Variants in PCNT observed in about 807,000 individuals in gnomAD.
PCNT encodes pericentrin.
PCNT carries 319 observed loss-of-function variants against 380.4 expected under a neutral mutation model. The ratio of observed to expected loss-of-function variants is 0.84; its 90% CI spans 0.77 to 0.92. PCNT has a LOEUF of 0.92. Among genes scored for constraint, PCNT ranks in the 40% least tolerant of loss-of-function variants. The probability of loss-of-function intolerance (pLI) is 0.00; values close to 1 mark genes in which losing one functional copy is unlikely to be tolerated. For synonymous variants in PCNT, 1,845 were observed against 1,735.2 expected, an observed-to-expected ratio of 1.06 and a Z score of -1.57; for missense variants, 4,400 against 4,255.3, an observed-to-expected ratio of 1.03 and a Z score of -0.95.
chr21:46,350,037 G>C (rs1183783285), intron 8 of PCNT, among the ~76,000 whole-genome samples: 1 of 152,138 alleles, frequency 6.6e-6, no homozygotes, highest in Non-Finnish European at 1.5e-5. Flanking sequence ...AAATTAGCCA[G>C]GCATGGTGGT....
At position 46,377,403 on chromosome 21, in the gene PCNT, A is replaced by T. The variant is rs537639656; in HGVS notation, c.3166-4291A>T. ...CTTACTTTATCAGTTACCTTTTCAC[A>T]TGCCAAGTCAAAACACAAAATAATT... On this transcript the variant is annotated intron_variant, in intron 15 of 46. Coordinates refer to ENST00000359568, the MANE Select transcript of PCNT (RefSeq NM_006031.6). Among the ~76,000 whole-genome samples the T allele has an allele frequency of 2.0e-5, 3 of 152,342 alleles. No homozygotes were observed. The South Asian group carries it at 6.2e-4, about 32-fold the overall frequency.
Position 46,382,178 on chromosome 21 carries a change from G to A in PCNT, c.3312+338G>A, listed in dbSNP as rs111766350. 2.8e-5 allele frequency among the ~76,000 whole-genome samples: 4 copies of A among 141,232 alleles called. No homozygotes were observed. In the South Asian group the frequency reaches 7.7e-4, roughly 27 times the overall value. The allele number at this position is 141,232 out of a possible 152,430, so 92.7% of individuals were successfully genotyped here. A position where few individuals can be genotyped will look rare whatever the true frequency, so the allele number is the denominator to read the frequency against. On this transcript the variant is annotated intron_variant, in intron 16 of 46. Transcript: ENST00000359568. The stretch of plus-strand genomic sequence containing the variant: ...GCATTCATAGTGTAGATTCAGTGGC[G>A]GAAGCGCATTCATAGTGTAGATTCA...
chr21:46,325,134 C>T (rs2083331500), intron 1 of PCNT: 5 of 985,618 alleles, frequency 5.1e-6, no homozygotes, highest in Non-Finnish European at 6.0e-6. Context: ...GCGCGCAGAG[C>T]CCATGACTCG....
At chr21:46,358,154 G>A (rs1006696155) in intron 13 of PCNT, among the ~76,000 whole-genome samples, 1 of 152,244 alleles carries the variant, frequency 6.6e-6, no homozygotes, top group Non-Finnish European at 1.5e-5. Flanking sequence ...CCATGCGGGA[G>A]CAGTGGAGTT....
At chr21:46,346,288 T>TGGGGGGGGG in intron 4 of PCNT, 80 bp downstream of exon 4, 1 of 540,918 alleles carries the variant, frequency 1.8e-6, no homozygotes, top group Non-Finnish European at 3.6e-6. Context: ...CGGGTGGGGG[T>TGGGGGGGGG]GGGGTGGGCG....
At chr21:46,412,470 T>C (rs983891752) in intron 28 of PCNT, among the ~76,000 whole-genome samples, 2 of 152,148 alleles carry the variant, frequency 1.3e-5, no homozygotes, top group Admixed American at 6.5e-5. Context: ...GCTCTTCTTT[T>C]GGAGCTGGAG....
In PCNT at chr21:46,359,483, TTTTTTTTG is replaced by T. The variant is rs1282821713; in HGVS notation, c.2154+2300_2154+2307del. Among the ~76,000 whole-genome samples the T allele has an allele frequency of 5.5e-4, 44 of 80,318 alleles. 3 individuals are homozygous for T. In the South Asian group the frequency reaches 8.8e-3, roughly 16 times the overall value. The allele number at this position is 80,318 out of a possible 152,430, so 52.7% of individuals were successfully genotyped here. A position where few individuals can be genotyped will look rare whatever the true frequency, so the allele number is the denominator to read the frequency against. On this transcript the variant is annotated intron_variant, in intron 13 of 46. Coordinates refer to ENST00000359568, the MANE Select transcript of PCNT (RefSeq NM_006031.6). ...TATTCTGTCCAAAAATACACCTGTT[TTTTTTTTG>T]TTTTTTTTTTTTTTTTGAGACAGTG...
chr21:46,411,122 G>A, intron 27 of PCNT, 67 bp from the exon 28 acceptor site: 1 of 1,453,052 alleles, frequency 6.9e-7, no homozygotes, highest in Non-Finnish European at 9.7e-7. Context: ...GATGTAACGT[G>A]CCCTGAAGTA....
intron 15 of PCNT, among the ~76,000 whole-genome samples, chr21:46,374,955 G>T (rs1331126488): frequency 6.6e-6 from 1 of 151,996 alleles, no homozygotes; most frequent in South Asian, 2.1e-4. Context: ...TCTTCCCCGC[G>T]GCGATGCTTT....
At chr21:46,412,292 G>A (rs1487340566) in intron 28 of PCNT, among the ~76,000 whole-genome samples, 1 of 152,204 alleles carries the variant, frequency 6.6e-6, no homozygotes, top group Non-Finnish European at 1.5e-5. Context: ...ACCATTTTAA[G>A]CTTATCGTTT....
At chr21:46,353,765 A>G (rs1486969230) in intron 10 of PCNT, among the ~76,000 whole-genome samples, 1 of 137,546 alleles carries the variant, frequency 7.3e-6, no homozygotes, top group Non-Finnish European at 1.7e-5. Flanking sequence ...AGAGACAGAG[A>G]GAGAGTCAGT....
Position 46,436,025 on chromosome 21 carries a change from G to A in PCNT, c.8873G>A (p.Arg2958His), listed in dbSNP as rs574728262. The change falls in exon 39 of 47, where the codon CGC becomes CAC. Residue 2958 changes from arginine (R) to histidine (H), a missense_variant. Transcript: ENST00000359568. ...PGSRLHLGSA[R>H]RAAGSDADHL... is the part of the protein sequence containing the mutation. ...AGCCGCCTCCACCTAGGTTCTGCCC[G>A]CAGGGCTGCCGGCTCGGATGCGGAC... 53 of 1,614,048 alleles carry A rather than the reference G, an allele frequency of 3.3e-5. 1 individual carries two copies. The Middle Eastern group carries it at 8.2e-4, about 25-fold the overall frequency.
rs745606268 is a variant in PCNT, at chr21:46,363,485, A to G, written c.2160A>G (p.Lys720=). The change falls in exon 14 of 47, where the codon AAA becomes AAG. Residue 720 remains lysine, a synonymous_variant. Transcript: ENST00000359568. The stretch of plus-strand genomic sequence containing the variant: ...TGAAATTATGTTGTCTGTAGGTAAA[A>G]CACAATCTAATTGAAGACCACCAGA... ...TRLKDDLEKV[K]HNLIEDHQKE... The G allele has an allele frequency of 2.5e-6, 4 of 1,611,576 alleles. No individual in the cohort carries two copies. Among genetic ancestry groups the G allele is most frequent in the Non-Finnish European group, 3.4e-6 (4 of 1,177,914 alleles).
intron 21 of PCNT, among the ~76,000 whole-genome samples, chr21:46,395,730 ATTCGGCAGCAGACACTCCAT>A: frequency 6.6e-6 from 1 of 151,884 alleles, no homozygotes. Flanking sequence ...AGACTTCAGG[ATTCGGCAGCAGACACTCCAT>A]CTCAGAAATA....
In PCNT at chr21:46,437,066, GCC is replaced by G; in HGVS notation, c.9086_9087del (p.Pro3029HisfsTer46). On this transcript the variant is annotated frameshift_variant, in exon 40 of 47. Transcript: ENST00000359568. LOFTEE classifies it high-confidence loss of function. Reference protein sequence around the residue: ...LEELKSDLSRPTSSQKKMAAE... With the variant: ...LEELKSDLSRXTSSQKKMAAE... ...AGGAGCTGAAGTCTGACTTGAGCAG[GCC>G]CACCTCCTCCCAGGTAAGGGGTGAG... is the stretch of plus-strand genomic sequence containing the variant. 6.2e-7 allele frequency: 1 copy of G among 1,613,442 alleles called. No homozygotes were observed. Among genetic ancestry groups the G allele is most frequent in the Non-Finnish European group, 8.5e-7 (1 of 1,179,486 alleles).
chr21:46,409,978 G>T (rs552682252), intron 27 of PCNT, among the ~76,000 whole-genome samples: 1 of 152,306 alleles, frequency 6.6e-6, no homozygotes, highest in South Asian at 2.1e-4. Flanking sequence ...TGATATATGC[G>T]TTGTGATTAT....
Position 46,444,720 on chromosome 21 carries a change from TAGAA to T in PCNT, c.9870_9873del (p.Glu3290AspfsTer3), listed in dbSNP as rs766205107. ...GCCACTCCATCCCCAAATTCAAGAT[TAGAA>T]AGATCCCTGACTGCTTCTCAAGATC... On this transcript the variant is annotated frameshift_variant, in exon 46 of 47. Transcript: ENST00000359568. LOFTEE classifies it high-confidence loss of function. 8 of 1,613,218 alleles carry T rather than the reference TAGAA, an allele frequency of 5.0e-6. No individual in the cohort carries two copies. Among genetic ancestry groups the T allele is most frequent in the Admixed American group, 1.7e-5 (1 of 59,954 alleles).
rs2085547917 is a variant in PCNT, at chr21:46,381,693, G to C, written c.3166-1G>C. On this transcript the variant is annotated splice_acceptor_variant, in intron 15 of 46. Transcript: ENST00000359568. LOFTEE classifies it high-confidence loss of function. ...TTTTTTATTGTTATTGATGTGTACA[G>C]GGTGAATTTGGAAGTGAAAAGAAAA... is the stretch of plus-strand genomic sequence containing the variant. 1 of 1,613,142 alleles carries C rather than the reference G, an allele frequency of 6.2e-7. No individual in the cohort carries two copies. The highest frequency in any genetic ancestry group is 8.5e-7 in the Non-Finnish European group (1 of 1,179,110).
chr21:46,441,781 C>T (rs1167168687), intron 43 of PCNT, among the ~76,000 whole-genome samples: 1 of 152,064 alleles, frequency 6.6e-6, no homozygotes, highest in Non-Finnish European at 1.5e-5. Flanking sequence ...GATCCTACCT[C>T]CTGTCGAGGA....
Sources: gnomAD v4.1 joint callset for allele counts (sites outside exome capture counted in the v4.1 genomes callset) on GRCh38, gnomAD v4.1.1 for gene constraint, MANE v1.5 for transcripts, NCBI Gene and HGNC (gene_info 2026-07-23, HGNC 2026-07-21) for gene names.